The following FNBP4 variants were observed in gnomAD, a reference collection of about 807,000 sequenced individuals.
The protein encoded by FNBP4 is formin-binding protein 4.
In FNBP4, 34 loss-of-function variants were observed where a neutral mutation model predicts 119.3. That is an observed-to-expected ratio of 0.28 (90% confidence interval 0.22 to 0.38). FNBP4 has a LOEUF of 0.38. Among genes scored for constraint, FNBP4 ranks in the 10% least tolerant of loss-of-function variants. FNBP4 has a pLI of 1.00. For missense variants in FNBP4, 1,112 were observed against 1,228.9 expected (o/e 0.90, Z 1.42); for synonymous variants, 462 against 430.6 (o/e 1.07, Z -0.90).
chr11:47,766,597 TC>T (rs1565174376), intron 1 of FNBP4, among the ~76,000 whole-genome samples: 1 of 152,240 alleles, frequency 6.6e-6, no homozygotes, highest in African/African-American at 2.4e-5. Context: ...CTCCAGCAGT[TC>T]TGCTAGTGTG....
intron 12 of FNBP4, chr11:47,725,672 A>T: frequency 1.7e-6 from 1 of 594,520 alleles, no homozygotes; most frequent in Middle Eastern, 8.3e-4. Flanking sequence ...AAAAGCCATC[A>T]TTGATTACTG....
At chr11:47,754,742 C>A in intron 2 of FNBP4, 78 bp from the exon 3 acceptor site, 1 of 1,506,224 alleles carries the variant, frequency 6.6e-7, no homozygotes, top group Non-Finnish European at 9.0e-7. Context: ...GGAAGTATAA[C>A]ATGTTTTTTT....
At chr11:47,720,816 C>G (rs983446976) in intron 15 of FNBP4, among the ~76,000 whole-genome samples, 1 of 147,102 alleles carries the variant, frequency 6.8e-6, no homozygotes, top group Admixed American at 6.8e-5. Context: ...AGCAACAAAG[C>G]AAACTGCCAT....
rs770955469 is a variant in FNBP4, at chr11:47,751,093, T to C, written c.785+50A>G. ...TAAGACAAATACTATCAGCAAAAGA[T>C]AAGGCTTCAATTTCCTTCTAGGCAA... is the stretch of plus-strand genomic sequence containing the variant. On this transcript the variant is annotated intron_variant, in intron 5 of 16. Coordinates refer to ENST00000263773, the MANE Select transcript of FNBP4 (RefSeq NM_015308.5). 3.1e-6 allele frequency: 5 copies of C among 1,612,984 alleles called. No homozygotes were observed. The South Asian group carries it at 5.5e-5, about 18-fold the overall frequency.
At chr11:47,724,402 T>C (rs943541318) in intron 13 of FNBP4, 66 bp downstream of exon 13, 5 of 1,609,246 alleles carry the variant, frequency 3.1e-6, no homozygotes, top group Middle Eastern at 1.7e-4. Context: ...GCTTCTAAAA[T>C]AAAACATGGT....
Position 47,753,111 on chromosome 11 carries a change from T to C in FNBP4, c.451-9A>G, listed in dbSNP as rs192005080. The C allele has an allele frequency of 6.5e-4, 1,033 of 1,585,292 alleles. 1 individual carries two copies. Among genetic ancestry groups the C allele is most frequent in the Non-Finnish European group, 8.2e-4 (964 of 1,169,936 alleles). ...GTTATGGCATCGATCTCCTTCAGTA[T>C]GAAAAGAGTAACAAATGCAGTAATT... On this transcript the variant is annotated splice_polypyrimidine_tract_variant and intron_variant, in intron 3 of 16. Transcript: ENST00000263773.
chr11:47,722,918 A>G, intron 15 of FNBP4, 58 bp downstream of exon 15: 1 of 1,437,626 alleles, frequency 7.0e-7, no homozygotes, highest in Non-Finnish European at 9.1e-7. Context: ...ATGTTATGTG[A>G]ATATAACCTC....
intron 10 of FNBP4, among the ~76,000 whole-genome samples, chr11:47,733,624 G>A (rs1330129853): frequency 3.9e-5 from 6 of 152,180 alleles, no homozygotes; most frequent in South Asian, 2.1e-4. Flanking sequence ...GTGAGCCACC[G>A]TGCCTGGCCA....
chr11:47,724,736 G>C lies in FNBP4; in HGVS notation c.2051C>G (p.Ser684Ter), dbSNP rs776758751. The change falls in exon 13 of 17, where the codon TCA becomes TGA. Residue 684 changes from serine to a stop codon, truncating the protein, a stop_gained. Transcript: ENST00000263773. LOFTEE classifies it high-confidence loss of function. ...KESFSGQVSSSSLMPLTPFWT... is the reference protein window; with the variant it reads ...KESFSGQVSS Reference sequence around the variant, plus strand: ...GAATGGAGTAAGTGGCATGAGTGATGAAGAAGAAACTTGACCAGAAAAGGA... The same window carrying C: ...GAATGGAGTAAGTGGCATGAGTGATCAAGAAGAAACTTGACCAGAAAAGGA... 1 of 1,591,668 alleles carries C rather than the reference G, an allele frequency of 6.3e-7. No homozygotes were observed. The highest frequency in any genetic ancestry group is 2.3e-5 in the East Asian group (1 of 44,416).
chr11:47,743,548 G>A (rs1186855078), intron 8 of FNBP4, among the ~76,000 whole-genome samples: 1 of 152,064 alleles, frequency 6.6e-6, no homozygotes, highest in African/African-American at 2.4e-5. Context: ...TTCATCCAGG[G>A]ATCTCTGAAA....
intron 15 of FNBP4, among the ~76,000 whole-genome samples, chr11:47,722,729 T>G (rs1565119963): frequency 6.6e-6 from 1 of 152,074 alleles, no homozygotes; most frequent in African/African-American, 2.4e-5. Flanking sequence ...TAGCAGGGAT[T>G]ACAGGTGCGT....
At position 47,767,197 on chromosome 11, in the gene FNBP4, G is replaced by T; in HGVS notation, c.92C>A (p.Pro31Gln). 1 of 1,562,430 alleles carries T rather than the reference G, an allele frequency of 6.4e-7. No individual in the cohort carries two copies. Residue 31 changes from proline to glutamine, a missense_variant, in exon 1 of 17, where the codon CCG (proline) becomes CAG (glutamine). By Grantham distance (76) the Pro-to-Gln change is moderately conservative. Coordinates refer to ENST00000263773, the MANE Select transcript of FNBP4 (RefSeq NM_015308.5). ...CGGCTCAGTGTCGGGTTCCGGCTCCGGGTCCCGGCCCGGCGTGCTGCCCCG... is the reference window on the plus strand; with the variant it reads ...CGGCTCAGTGTCGGGTTCCGGCTCCTGGTCCCGGCCCGGCGTGCTGCCCCG... ...GPRGSTPGRD[P>Q]EPEPDTEPDS...
chr11:47,761,596 C>CA (rs67275133), intron 2 of FNBP4, among the ~76,000 whole-genome samples: 21 of 147,194 alleles, frequency 1.4e-4, no homozygotes, highest in African/African-American at 5.3e-4. Context: ...CATCTCAAAG[C>CA]AAAAAAAAAA....
At chr11:47,757,374 G>T (rs1195441835) in intron 2 of FNBP4, among the ~76,000 whole-genome samples, 3 of 150,912 alleles carry the variant, frequency 2.0e-5, no homozygotes, top group African/African-American at 4.9e-5. Context: ...GCCACGCCCG[G>T]CTAATTTTTT....
In FNBP4 at chr11:47,732,181, T is replaced by G; in HGVS notation, c.1820+356A>C. On this transcript the variant is annotated intron_variant, in intron 11 of 16. Coordinates refer to ENST00000263773, the MANE Select transcript of FNBP4 (RefSeq NM_015308.5). The surrounding 1 kb of genome is among the most constrained non-coding windows in gnomAD (Gnocchi z 4.2). Reference sequence around the variant, plus strand: ...CTTCAGCCACGAAGTTTTCCTTAACTTCACCGAGGTTAATCAGGAGTAGTT... The same window carrying G: ...CTTCAGCCACGAAGTTTTCCTTAACGTCACCGAGGTTAATCAGGAGTAGTT... The G allele has an allele frequency of 1.9e-6, 2 of 1,031,534 alleles. No individual in the cohort carries two copies. Among genetic ancestry groups the G allele is most frequent in the Non-Finnish European group, 2.3e-6 (2 of 860,328 alleles). 63.9% of individuals were successfully genotyped at this position (1,031,534 alleles called of 1,614,324 possible). A position where few individuals can be genotyped will look rare whatever the true frequency, so the allele number is the denominator to read the frequency against.
chr11:47,736,590 C>G (rs1269735132), intron 9 of FNBP4, 26 bp downstream of exon 9: 1 of 1,535,242 alleles, frequency 6.5e-7, no homozygotes, highest in Non-Finnish European at 8.8e-7. Context: ...AAAAATTTGT[C>G]AAGTTGCATT....
chr11:47,765,533 G>C (rs2097645580), intron 1 of FNBP4, among the ~76,000 whole-genome samples, 171 bp from the exon 2 acceptor site: 2 of 127,806 alleles, frequency 1.6e-5, no homozygotes, highest in Non-Finnish European at 1.6e-5. Flanking sequence ...GGATGGGTTC[G>C]CACCTGTAAT....
Position 47,753,042 on chromosome 11 carries a change from G to T in FNBP4, c.511C>A (p.Pro171Thr). ...AAPVGASAPP[P>T]TPPRPEPKEA... ...TTTGGCTCTGGTCGAGGTGGAGTTGGAGGTGGAGCAGAAGCTCCTACAGGA... is the reference window on the plus strand; with the variant it reads ...TTTGGCTCTGGTCGAGGTGGAGTTGTAGGTGGAGCAGAAGCTCCTACAGGA... The change falls in exon 4 of 17, where the codon CCA becomes ACA. Residue 171 changes from proline (P) to threonine (T), a missense_variant. Coordinates refer to ENST00000263773, the MANE Select transcript of FNBP4 (RefSeq NM_015308.5). 1 of 1,614,148 alleles carries T rather than the reference G, an allele frequency of 6.2e-7. No individual in the cohort carries two copies. Among genetic ancestry groups the T allele is most frequent in the Non-Finnish European group, 8.5e-7 (1 of 1,180,012 alleles).
rs2097568639 is a variant in FNBP4 at position 47,732,526 on chromosome 11, A to G, written c.1820+11T>C. 6.2e-7 allele frequency: 1 copy of G among 1,613,834 alleles called. No individual in the cohort carries two copies. The highest frequency in any genetic ancestry group is 1.3e-5 in the African/African-American group (1 of 74,922). ...AAAGGTGAAAGGTGAAAAGGGGAGA[A>G]GAGTGCGTACCTGTCCCAGTGGCAG... On this transcript the variant is annotated intron_variant, in intron 11 of 16. Coordinates refer to ENST00000263773, the MANE Select transcript of FNBP4 (RefSeq NM_015308.5). The surrounding 1 kb of genome is among the most constrained non-coding windows in gnomAD (Gnocchi z 4.2).
Sources: gnomAD v4.1 joint callset for allele counts (sites outside exome capture counted in the v4.1 genomes callset) on GRCh38, gnomAD v4.1.1 for gene constraint, Gnocchi (gnomAD v3.1) non-coding constraint, MANE v1.5 for transcripts, NCBI Gene and HGNC (gene_info 2026-07-23, HGNC 2026-07-21) for gene names.